Variants in PHACTR2 observed in about 807,000 individuals in gnomAD.
PHACTR2 encodes phosphatase and actin regulator 2.
Under a neutral mutation model 76.0 loss-of-function variants are expected in PHACTR2, and 30 were observed. That is an observed-to-expected ratio of 0.39 (90% CI 0.30 to 0.54). The LOEUF (loss-of-function observed/expected upper bound fraction) is 0.54. Ranked by LOEUF, PHACTR2 falls within the 20% of genes least tolerant of loss-of-function variation. The pLI, the probability that PHACTR2 is intolerant of heterozygous loss-of-function variation, is 0.61. For missense variants in PHACTR2, 696 were observed against 781.1 expected, an observed-to-expected ratio of 0.89 and a Z score of 1.30; for synonymous variants, 292 against 292.5, an observed-to-expected ratio of 1.00 and a Z score of 0.02.
chr6:143,608,193 T>A lies in PHACTR2; in HGVS notation c.-117T>A. ...TCTCCTGCAGACAGTGCATGAAGTA[T>A]GCTCAGTGTGCCAGCAAGGGCTGAT... On this transcript the variant is annotated 5_prime_UTR_variant, in exon 1 of 12. Transcript: ENST00000305766. This position sits in a 1 kb window ranked among gnomAD's most constrained non-coding sequence, Gnocchi z 4.6. 1 of 1,008,148 alleles carries A rather than the reference T, an allele frequency of 9.9e-7. No individual in the cohort carries two copies. Among genetic ancestry groups the A allele is most frequent in the South Asian group, 1.3e-5 (1 of 75,712 alleles). 62.5% of individuals were successfully genotyped at this position (1,008,148 alleles called of 1,614,324 possible).
In PHACTR2 at chr6:143,547,710, T is replaced by C. The variant is rs1260588396; in HGVS notation, c.217+10503T>C. 6.6e-6 allele frequency among the ~76,000 whole-genome samples: 1 copy of C among 152,222 alleles called. No homozygotes were observed. Among genetic ancestry groups the C allele is most frequent in the East Asian group, 1.9e-4 (1 of 5,198 alleles). Reference sequence around the variant, plus strand: ...AAGGAAAAGGGGTTTGTTTGTCTATTTGTTAACAAGAGCAGCCATTAACCG... The same window carrying C: ...AAGGAAAAGGGGTTTGTTTGTCTATCTGTTAACAAGAGCAGCCATTAACCG... On this transcript the variant is annotated intron_variant, in intron 1 of 11. Coordinates refer to the PHACTR2 transcript ENST00000367584. This position sits in a 1 kb window ranked among gnomAD's most constrained non-coding sequence, Gnocchi z 4.2.
chr6:143,572,760 C>T (rs936899325), intron 1 of PHACTR2, among the ~76,000 whole-genome samples: 1 of 152,142 alleles, frequency 6.6e-6, no homozygotes, highest in African/African-American at 2.4e-5. Flanking sequence ...ACCATGTTGG[C>T]CAGGCTGGTC....
In PHACTR2 at chr6:143,646,663, G is replaced by A. The variant is rs1776664138; in HGVS notation, c.13+38341G>A. ...TTTCTTGAAATGTCAAGAAGGGCAG[G>A]TGTACTCTGACCTCAGCTTTAAGTT... On this transcript the variant is annotated intron_variant, in intron 1 of 11. Transcript: ENST00000305766. The surrounding 1 kb of genome is among the most constrained non-coding windows in gnomAD (Gnocchi z 4.1). Among the ~76,000 whole-genome samples the A allele has an allele frequency of 6.6e-6, 1 of 152,134 alleles. No homozygotes were observed. Among genetic ancestry groups the A allele is most frequent in the Non-Finnish European group, 1.5e-5 (1 of 68,028 alleles).
intron 1 of PHACTR2, among the ~76,000 whole-genome samples, chr6:143,567,055 T>C (rs1349439382): frequency 1.3e-5 from 2 of 152,028 alleles, no homozygotes; most frequent in Non-Finnish European, 2.9e-5. Flanking sequence ...CTCAGTTCCG[T>C]GTTCCTCATC....
In PHACTR2 at chr6:143,710,896, C is replaced by T. The variant is rs1198060613; in HGVS notation, c.47-1120C>T. ...ACACTTAACATTTTGCTATATTTTA[C>T]TTTATTGCACTTTTATCCATCTGCC... is the stretch of plus-strand genomic sequence containing the variant. On this transcript the variant is annotated intron_variant, in intron 1 of 12. Coordinates refer to ENST00000440869, the MANE Select transcript of PHACTR2 (RefSeq NM_001100164.2). This position sits in a 1 kb window ranked among gnomAD's most constrained non-coding sequence, Gnocchi z 4.9. The T allele has an allele frequency of 7.5e-6, 3 of 399,918 alleles. No homozygotes were observed. The highest frequency in any genetic ancestry group is 7.6e-5 in the Admixed American group (2 of 26,288). 24.8% of individuals were successfully genotyped at this position (399,918 alleles called of 1,614,324 possible). A position where few individuals can be genotyped will look rare whatever the true frequency, so the allele number is the denominator to read the frequency against.
chr6:143,552,642 A>G lies in PHACTR2; in HGVS notation c.217+15435A>G, dbSNP rs998443990. On this transcript the variant is annotated intron_variant, in intron 1 of 11. Coordinates refer to the PHACTR2 transcript ENST00000367584. ...TTGAAGGCTGGATGCGGTGGCTCAT[A>G]CCTATAATCCCAGCACTTTGGAAGG... is the stretch of plus-strand genomic sequence containing the variant. Among the ~76,000 whole-genome samples the G allele has an allele frequency of 6.6e-5, 10 of 152,256 alleles. 1 individual carries two copies. The highest frequency in any genetic ancestry group is 1.9e-4 in the East Asian group (1 of 5,192).
At chr6:143,796,372 CTTTT>C (rs1775820083) in intron 11 of PHACTR2, among the ~76,000 whole-genome samples, 1 of 139,062 alleles carries the variant, frequency 7.2e-6, no homozygotes. Flanking sequence ...TCTGCATTTT[CTTTT>C]TCTTTTCTTT....
upstream of PHACTR2, among the ~76,000 whole-genome samples, chr6:143,674,503 G>T (rs1777208254): frequency 6.6e-6 from 1 of 151,968 alleles, no homozygotes; most frequent in Admixed American, 6.6e-5. The surrounding 1 kb of genome is among the most constrained non-coding windows in gnomAD (Gnocchi z 4.9). Flanking sequence ...TAGAAATAAG[G>T]GTGTAAATTA....
At chr6:143,655,128 G>A (rs1347045706) in intron 1 of PHACTR2, among the ~76,000 whole-genome samples, 1 of 137,378 alleles carries the variant, frequency 7.3e-6, no homozygotes, top group African/African-American at 2.8e-5. Context: ...CTGCACTCCA[G>A]CCTGAGCAAC....
In PHACTR2 at chr6:143,570,988, A is replaced by T. The variant is rs935838831; in HGVS notation, c.217+33781A>T. Among the ~76,000 whole-genome samples, 5 of 152,222 alleles carry T rather than the reference A, an allele frequency of 3.3e-5. No homozygotes were observed. Among genetic ancestry groups the T allele is most frequent in the African/African-American group, 1.2e-4 (5 of 41,470 alleles). On this transcript the variant is annotated intron_variant, in intron 1 of 11. Coordinates refer to the PHACTR2 transcript ENST00000367584. The surrounding 1 kb of genome is among the most constrained non-coding windows in gnomAD (Gnocchi z 4.6). The stretch of plus-strand genomic sequence containing the variant: ...TATATTCCTATTTTTCATGAAATTT[A>T]AAAAACTTTCTAATTTAAGATCATT...
At chr6:143,685,105 T>G (rs192459356) in intron 1 of PHACTR2, among the ~76,000 whole-genome samples, 321 of 152,204 alleles carry the variant, frequency 2.1e-3, no homozygotes, top group African/African-American at 6.9e-3. Flanking sequence ...ACCTTTAAAT[T>G]TTTAAGTCAA....
Position 143,610,334 on chromosome 6 carries a change from T to C in PHACTR2, c.13+2012T>C, listed in dbSNP as rs2128437478. On this transcript the variant is annotated intron_variant, in intron 1 of 11. Coordinates refer to the PHACTR2 transcript ENST00000305766. The surrounding 1 kb of genome is among the most constrained non-coding windows in gnomAD (Gnocchi z 4.9). The stretch of plus-strand genomic sequence containing the variant: ...AAATAACTTGGAGCACTACAGTTTC[T>C]CCAATTTAATTTAAAGAAGATAATG... 6.6e-6 allele frequency among the ~76,000 whole-genome samples: 1 copy of C among 152,264 alleles called. No individual in the cohort carries two copies. Among genetic ancestry groups the C allele is most frequent in the South Asian group, 2.1e-4 (1 of 4,822 alleles).
rs369885470 is a variant in PHACTR2, at chr6:143,641,054, C to T, written c.13+32732C>T. On this transcript the variant is annotated intron_variant, in intron 1 of 11. Coordinates refer to the PHACTR2 transcript ENST00000305766. This position sits in a 1 kb window ranked among gnomAD's most constrained non-coding sequence, Gnocchi z 5.8. ...CATAGTTCTGGAGGTTGGTGGTCCA[C>T]GATCAAGGTGCTGGCATCTGCTGAG... 5.3e-5 allele frequency among the ~76,000 whole-genome samples: 8 copies of T among 152,076 alleles called. No individual in the cohort carries two copies. Among genetic ancestry groups the T allele is most frequent in the Middle Eastern group, 3.2e-3 (1 of 316 alleles).
chr6:143,812,788 G>A (rs1430418298), intron 12 of PHACTR2, among the ~76,000 whole-genome samples: 1 of 152,206 alleles, frequency 6.6e-6, no homozygotes. Context: ...AAGTCCATTT[G>A]AGGGTGATAG....
intron 11 of PHACTR2, among the ~76,000 whole-genome samples, chr6:143,798,192 C>T (rs2128481707): frequency 6.6e-6 from 1 of 152,256 alleles, no homozygotes; most frequent in African/African-American, 2.4e-5. Context: ...TGATTTGGCT[C>T]TCTGTTTGTC....
chr6:143,701,368 A>T (rs927554337), intron 1 of PHACTR2, among the ~76,000 whole-genome samples: 1 of 152,232 alleles, frequency 6.6e-6, no homozygotes, highest in African/African-American at 2.4e-5. Context: ...ATAAATAAGG[A>T]TTCTGTACAA....
rs1469832390 is a variant in PHACTR2, at chr6:143,751,647, C to G, written c.296-2107C>G. Reference sequence around the variant, plus strand: ...CCACTTGTTCCTGTTTGTGCTTTATCTCTGTTTTCTTTAAGCTGACAACTA... The same window carrying G: ...CCACTTGTTCCTGTTTGTGCTTTATGTCTGTTTTCTTTAAGCTGACAACTA... On this transcript the variant is annotated intron_variant, in intron 3 of 12. Transcript: ENST00000440869. The surrounding 1 kb of genome is among the most constrained non-coding windows in gnomAD (Gnocchi z 5.7). Among the ~76,000 whole-genome samples the G allele has an allele frequency of 6.6e-6, 1 of 152,110 alleles. No individual in the cohort carries two copies. Among genetic ancestry groups the G allele is most frequent in the African/African-American group, 2.4e-5 (1 of 41,414 alleles).
chr6:143,559,212 A>G (rs1391944049), intron 1 of PHACTR2, among the ~76,000 whole-genome samples: 2 of 152,108 alleles, frequency 1.3e-5, no homozygotes, highest in African/African-American at 4.8e-5. Context: ...GTAGCTTTGG[A>G]TTTTGGCTGG....
rs1775920567 is a variant in PHACTR2, at chr6:143,800,237, G to T, written c.1846-6820G>T. 6.6e-6 allele frequency among the ~76,000 whole-genome samples: 1 copy of T among 151,766 alleles called. No homozygotes were observed. Among genetic ancestry groups the T allele is most frequent in the Non-Finnish European group, 1.5e-5 (1 of 67,890 alleles). The stretch of plus-strand genomic sequence containing the variant: ...TTTTTTACTTTCTATTTGCTTGGTA[G>T]GTCTTCCTCCATCCCTTTATTTTTT... On this transcript the variant is annotated intron_variant, in intron 11 of 12. Transcript: ENST00000440869. The surrounding 1 kb of genome is among the most constrained non-coding windows in gnomAD (Gnocchi z 4.8).
Sources: allele counts gnomAD v4.1 joint callset (sites outside exome capture counted in the v4.1 genomes callset), GRCh38; gene constraint gnomAD v4.1.1; non-coding constraint Gnocchi (gnomAD v3.1); transcripts MANE v1.5; gene names NCBI Gene and HGNC (gene_info 2026-07-23, HGNC 2026-07-21).